Variants in PCM1 observed in about 807,000 individuals in gnomAD.
PCM1 encodes pericentriolar material 1 protein.
Under a neutral mutation model 241.9 loss-of-function variants are expected in PCM1, and 157 were observed. That is an observed-to-expected ratio of 0.65 (90% CI 0.57 to 0.74). The LOEUF (loss-of-function observed/expected upper bound fraction) is 0.74, where lower values mean the gene tolerates loss of function less well. Ranked by LOEUF, PCM1 falls within the 30% of genes least tolerant of loss-of-function variation. The pLI, the probability that PCM1 is intolerant of heterozygous loss-of-function variation, is 0.00. For synonymous variants in PCM1, 1,085 were observed against 784.9 expected (o/e 1.38, Z -6.39); for missense variants, 3,478 against 2,360.1 (o/e 1.47, Z -9.81).
intron 28 of PCM1, among the ~76,000 whole-genome samples, chr8:17,992,936 T>G (rs77712501): frequency 8.1e-5 from 3 of 37,094 alleles, no homozygotes; most frequent in South Asian, 5.1e-4. Flanking sequence ...TTTTTGATGG[T>G]TTTTTTTTTT....
rs1262364304 is a variant in PCM1 at position 18,029,452 on chromosome 8, AC to A, written c.*1791del. 1.8e-5 allele frequency: 4 copies of A among 216,496 alleles called. No individual in the cohort carries two copies. The highest frequency in any genetic ancestry group is 9.0e-5 in the African/African-American group (4 of 44,518). The allele number at this position is 216,496 out of a possible 1,614,324, so 13.4% of individuals were successfully genotyped here. ...CCACTTTAAGCAGGAAAGGGTAAAA[AC>A]TGTTTTGGTACTCAAGCCCAGCCTT... On this transcript the variant is annotated 3_prime_UTR_variant, in exon 39 of 39. Transcript: ENST00000325083.
chr8:17,939,149 GC>G, intron 5 of PCM1, 140 bp downstream of exon 5: 1 of 712,644 alleles, frequency 1.4e-6, no homozygotes, highest in Non-Finnish European at 2.3e-6. Flanking sequence ...TTGTTAATCT[GC>G]CAGATTTACT....
intron 13 of PCM1, among the ~76,000 whole-genome samples, chr8:17,958,187 C>G (rs1428958939): frequency 3.3e-5 from 5 of 152,110 alleles, no homozygotes; most frequent in South Asian, 4.1e-4. Flanking sequence ...CTTGCAGCAT[C>G]TCAATGAGGT....
At chr8:17,966,634 T>TTA (rs1222481229) in intron 20 of PCM1, among the ~76,000 whole-genome samples, 161 bp downstream of exon 20, 2 of 152,266 alleles carry the variant, frequency 1.3e-5, no homozygotes, top group Non-Finnish European at 2.9e-5. Context: ...ATGTTTCCTT[T>TTA]TAATACCATG....
intron 7 of PCM1, among the ~76,000 whole-genome samples, chr8:17,948,223 C>T (rs949532647): frequency 4.0e-5 from 6 of 151,726 alleles, no homozygotes; most frequent in African/African-American, 7.3e-5. Context: ...ACTGGCTCAC[C>T]TGTCTAATCC....
At chr8:18,026,359 G>A (rs977673012) in intron 38 of PCM1, among the ~76,000 whole-genome samples, 14 of 145,992 alleles carry the variant, frequency 9.6e-5, no homozygotes, top group Admixed American at 4.9e-4. Flanking sequence ...CCAGGTTCGC[G>A]CCATTCTTCT....
rs748237551 is a variant in PCM1, at chr8:17,950,630, C to G, written c.977C>G (p.Ala326Gly). The G allele has an allele frequency of 6.3e-7, 1 of 1,591,186 alleles. No individual in the cohort carries two copies. Among genetic ancestry groups the G allele is most frequent in the Non-Finnish European group, 8.6e-7 (1 of 1,163,028 alleles). The change falls in exon 8 of 39, where the codon GCA (alanine) becomes GGA (glycine). Residue 326 changes from alanine (A) to glycine (G), a missense_variant. Transcript: ENST00000325083. ...TTCTTTCCAGTTGTTGCAGAAACTGCAGGTAGCTTATCTGGCGTCAGTATC... is the reference window on the plus strand; with the variant it reads ...TTCTTTCCAGTTGTTGCAGAAACTGGAGGTAGCTTATCTGGCGTCAGTATC... ...VMDDSVVAET[A>G]GSLSGVSITS... is the part of the protein sequence containing the mutation.
intron 24 of PCM1, among the ~76,000 whole-genome samples, chr8:17,981,347 T>G (rs1288089216): frequency 6.6e-6 from 1 of 152,210 alleles, no homozygotes; most frequent in Non-Finnish European, 1.5e-5. Context: ...ATTCTGAAAC[T>G]CCATTCTAAT....
rs201821575 is a variant in PCM1 at position 17,938,871 on chromosome 8, A to G, written c.474A>G (p.Thr158=). 2.3e-4 allele frequency: 366 copies of G among 1,613,784 alleles called. 1 individual carries two copies. Among genetic ancestry groups the G allele is most frequent in the Admixed American group, 5.7e-4 (34 of 60,022 alleles). The change falls in exon 5 of 39, where the codon ACA becomes ACG. Residue 158 remains threonine, a synonymous_variant. Coordinates refer to ENST00000325083, the MANE Select transcript of PCM1 (RefSeq NM_006197.4). The part of the protein sequence containing the change: ...INTNKSKDAS[T]NPPNRETIGS... ...CTAACAAGAGCAAAGATGCATCTAC[A>G]AACCCCCCAAACAGAGAAACGATTG...
At chr8:17,930,226 G>T (rs758122097) in intron 2 of PCM1, among the ~76,000 whole-genome samples, 1 of 149,442 alleles carries the variant, frequency 6.7e-6, no homozygotes. Context: ...TCAGCCTCCC[G>T]AGTAGCTGGG....
chr8:17,957,818 T>A, intron 13 of PCM1, 43 bp downstream of exon 13: 1 of 1,314,316 alleles, frequency 7.6e-7, no homozygotes. Flanking sequence ...TGTCAAATAG[T>A]ACAGTCTTAA....
intron 24 of PCM1, among the ~76,000 whole-genome samples, chr8:17,983,938 C>T (rs1264157270): frequency 6.6e-6 from 1 of 151,972 alleles, no homozygotes; most frequent in African/African-American, 2.4e-5. Context: ...ATATCAGTGG[C>T]ACTTTGAAAA....
intron 23 of PCM1, among the ~76,000 whole-genome samples, chr8:17,977,470 C>A (rs1177790501): frequency 1.3e-5 from 2 of 152,096 alleles, no homozygotes; most frequent in Non-Finnish European, 2.9e-5. Context: ...GTTAGTAGAC[C>A]TGTGCGGTGA....
intron 11 of PCM1, 44 bp from the exon 12 acceptor site, chr8:17,957,220 T>C: frequency 6.7e-7 from 1 of 1,499,678 alleles, no homozygotes; most frequent in Non-Finnish European, 8.9e-7. Context: ...CTTTCTCTCT[T>C]TTTTTGTGCC....
rs781043281 is a variant in PCM1, at chr8:17,964,559, A to G, written c.2655-9A>G. 5 of 1,608,338 alleles carry G rather than the reference A, an allele frequency of 3.1e-6. No individual in the cohort carries two copies. In the East Asian group the frequency reaches 6.7e-5, roughly 22 times the overall value. On this transcript the variant is annotated splice_polypyrimidine_tract_variant and intron_variant, in intron 17 of 38. Coordinates refer to ENST00000325083, the MANE Select transcript of PCM1 (RefSeq NM_006197.4). ...GAATGACATCTGTTTTATGTCTCTT[A>G]ATCACTAGAACGATGGCAACTTGGG...
chr8:17,965,613 A>G (rs187694032), intron 18 of PCM1, among the ~76,000 whole-genome samples: 2 of 152,378 alleles, frequency 1.3e-5, no homozygotes, highest in African/African-American at 4.8e-5. Flanking sequence ...ACTAATAATT[A>G]TAACTGAAAA....
rs753231734 is a variant in PCM1 at position 17,967,148 on chromosome 8, T to C, written c.3390T>C (p.Thr1130=). The C allele has an allele frequency of 1.3e-6, 2 of 1,595,730 alleles. No individual in the cohort carries two copies. Among genetic ancestry groups the C allele is most frequent in the African/African-American group, 2.7e-5 (2 of 74,728 alleles). Residue 1130 remains threonine, a synonymous_variant, in exon 21 of 39, where the codon ACT becomes ACC. Transcript: ENST00000325083. ...PVNLFNIPGF[T]NFSSFAPGMN... ...ATCTCTTCAATATACCTGGATTTAC[T>C]AACTTTTCATCATTTGCACCAGGTA...
At position 18,027,965 on chromosome 8, in the gene PCM1, T is replaced by C. The variant is rs541534578; in HGVS notation, c.*303T>C. 3.1e-4 allele frequency: 96 copies of C among 305,592 alleles called. No homozygotes were observed. The highest frequency in any genetic ancestry group is 2.3e-3 in the Admixed American group (48 of 20,564). 18.9% of individuals were successfully genotyped at this position (305,592 alleles called of 1,614,324 possible). A position where few individuals can be genotyped will look rare whatever the true frequency, so the allele number is the denominator to read the frequency against. The stretch of plus-strand genomic sequence containing the variant: ...TAGTTTTAAATAAAGTTTGGACTTA[T>C]CTATAAAGTATCTTTTTTGGAAATT... On this transcript the variant is annotated 3_prime_UTR_variant, in exon 39 of 39. Coordinates refer to ENST00000325083, the MANE Select transcript of PCM1 (RefSeq NM_006197.4).
chr8:17,938,953 A>G lies in PCM1; in HGVS notation c.556A>G (p.Asn186Asp). 6.2e-7 allele frequency: 1 copy of G among 1,613,780 alleles called. No individual in the cohort carries two copies. Among genetic ancestry groups the G allele is most frequent in the Non-Finnish European group, 8.5e-7 (1 of 1,179,690 alleles). ...TGCTTTAAGTAATGACCTCTTGCAA[A>G]ACTGTCAGGTGTCTGAAGAAGATGG... is the stretch of plus-strand genomic sequence containing the variant. ...ASALSNDLLQ[N>D]CQVSEEDGRG... The change falls in exon 5 of 39, where the codon AAC (asparagine) becomes GAC (aspartate). Residue 186 changes from asparagine to aspartate, a missense_variant. By Grantham distance (23) the Asn-to-Asp change is conservative. Coordinates refer to ENST00000325083, the MANE Select transcript of PCM1 (RefSeq NM_006197.4).
Sources: gnomAD v4.1 joint callset for allele counts (sites outside exome capture counted in the v4.1 genomes callset) on GRCh38, gnomAD v4.1.1 for gene constraint, MANE v1.5 for transcripts, NCBI Gene and HGNC (gene_info 2026-07-23, HGNC 2026-07-21) for gene names.